NKAIN2: variants seen among roughly 807,000 people sequenced by gnomAD.
NKAIN2 encodes the protein sodium/potassium-transporting ATPase subunit beta-1-interacting protein 2.
Under a neutral mutation model 32.6 loss-of-function variants are expected in NKAIN2, and 14 were observed. That is an observed-to-expected ratio of 0.43 (90% CI 0.28 to 0.67). NKAIN2 has a LOEUF of 0.67. NKAIN2 is among the 30% of genes least tolerant of loss of function. The pLI, the probability that NKAIN2 is intolerant of heterozygous loss-of-function variation, is 0.17. For missense variants in NKAIN2, 198 were observed against 258.3 expected, an observed-to-expected ratio of 0.77 and a Z score of 1.60; for synonymous variants, 80 against 87.2, an observed-to-expected ratio of 0.92 and a Z score of 0.46.
At chr6:123,819,644 C>T (rs992076965) in intron 1 of NKAIN2, among the ~76,000 whole-genome samples, 10 of 152,166 alleles carry the variant, frequency 6.6e-5, no homozygotes, top group African/African-American at 1.7e-4. Context: ...ATTAAAGCAA[C>T]GCAACGGAAA....
At chr6:124,035,709 T>G (rs1781580290) in intron 1 of NKAIN2, among the ~76,000 whole-genome samples, 2 of 152,166 alleles carry the variant, frequency 1.3e-5, no homozygotes, top group South Asian at 4.1e-4. Flanking sequence ...CTACTTCTGC[T>G]CAAAATGTCT....
rs1254267536 is a variant in NKAIN2 at position 124,490,225 on chromosome 6, A to G, written c.273+134878A>G. On this transcript the variant is annotated intron_variant, in intron 3 of 6. Coordinates refer to ENST00000368417, the MANE Select transcript of NKAIN2 (RefSeq NM_001040214.3). ...AGCCAAGTTCCTTGAAACATTCAGG[A>G]AAGAAAAAAAAACTAAGCCAATTCC... 2.0e-5 allele frequency among the ~76,000 whole-genome samples: 3 copies of G among 151,714 alleles called. No homozygotes were observed. The East Asian group carries it at 5.8e-4, about 29-fold the overall frequency.
At chr6:124,755,028 A>G (rs1201190600) in intron 4 of NKAIN2, among the ~76,000 whole-genome samples, 2 of 152,150 alleles carry the variant, frequency 1.3e-5, no homozygotes, top group African/African-American at 4.8e-5. Context: ...CAGGATCACA[A>G]GGCGAAATCC....
chr6:124,123,683 C>T (rs1786005877), intron 1 of NKAIN2, among the ~76,000 whole-genome samples: 1 of 152,064 alleles, frequency 6.6e-6, no homozygotes, highest in African/African-American at 2.4e-5. Context: ...TTTTAATTCT[C>T]ATAATGACTT....
intron 4 of NKAIN2, among the ~76,000 whole-genome samples, chr6:124,781,936 T>G (rs1779286664): frequency 6.6e-6 from 1 of 152,152 alleles, no homozygotes; most frequent in South Asian, 2.1e-4. Context: ...CCACATTTTA[T>G]TCCCCTGGAG....
chr6:123,970,554 T>C (rs2114634983), intron 1 of NKAIN2, among the ~76,000 whole-genome samples: 1 of 152,268 alleles, frequency 6.6e-6, no homozygotes, highest in African/African-American at 2.4e-5. Context: ...ATGAGGATTT[T>C]TGTTTTTATT....
At chr6:124,219,910 G>A (rs558970961) in intron 1 of NKAIN2, among the ~76,000 whole-genome samples, 31 of 152,152 alleles carry the variant, frequency 2.0e-4, no homozygotes, top group African/African-American at 7.2e-4. Flanking sequence ...ATTTAGATAC[G>A]AAAGATAAAG....
intron 1 of NKAIN2, among the ~76,000 whole-genome samples, chr6:123,923,124 C>CA (rs369671909): frequency 4.2e-3 from 339 of 79,788 alleles, no homozygotes; most frequent in African/African-American, 9.3e-3. Context: ...AAGGGATTAC[C>CA]AAAAAAAACA....
At chr6:123,967,694 A>T (rs1294687691) in intron 1 of NKAIN2, among the ~76,000 whole-genome samples, 1 of 152,020 alleles carries the variant, frequency 6.6e-6, no homozygotes, top group African/African-American at 2.4e-5. Context: ...AAAGGGGGGG[A>T]GTGTGTGTAT....
intron 3 of NKAIN2, among the ~76,000 whole-genome samples, chr6:124,397,869 T>G (rs1583185321): frequency 6.6e-6 from 1 of 152,066 alleles, no homozygotes; most frequent in African/African-American, 2.4e-5. Flanking sequence ...TTAGATTAGC[T>G]TCATTGGAAG....
At chr6:124,348,241 C>T (rs1798534690) in intron 2 of NKAIN2, among the ~76,000 whole-genome samples, 1 of 151,546 alleles carries the variant, frequency 6.6e-6, no homozygotes. Flanking sequence ...GTCAGTCTGC[C>T]CCCACTGGGG....
chr6:124,022,294 T>C (rs1015728749), intron 1 of NKAIN2, among the ~76,000 whole-genome samples: 3 of 152,202 alleles, frequency 2.0e-5, no homozygotes, highest in South Asian at 2.1e-4. Flanking sequence ...CAGTCTATCA[T>C]TGATGGACAT....
intron 1 of NKAIN2, among the ~76,000 whole-genome samples, chr6:123,951,720 C>T (rs1777336568): frequency 6.6e-6 from 1 of 151,640 alleles, no homozygotes; most frequent in Non-Finnish European, 1.5e-5. Context: ...TTAGTCTATT[C>T]AGCCAATATG....
chr6:124,474,098 T>C (rs1777085878), intron 3 of NKAIN2, among the ~76,000 whole-genome samples: 1 of 97,478 alleles, frequency 1.0e-5, no homozygotes. Flanking sequence ...CAGATTTTCT[T>C]AGGACTGTAT....
intron 3 of NKAIN2, among the ~76,000 whole-genome samples, chr6:124,359,731 G>T (rs1012954572): frequency 1.3e-5 from 2 of 152,144 alleles, no homozygotes; most frequent in Admixed American, 1.3e-4. Context: ...GGGACAATTT[G>T]ACTTCCTCTT....
chr6:124,571,941 C>A (rs1028280030), intron 3 of NKAIN2, among the ~76,000 whole-genome samples: 1 of 152,200 alleles, frequency 6.6e-6, no homozygotes, highest in South Asian at 2.1e-4. Flanking sequence ...TCTTATTCCT[C>A]TCTTCTTCTC....
chr6:124,159,281 T>C (rs1788150619), intron 1 of NKAIN2, among the ~76,000 whole-genome samples: 2 of 152,228 alleles, frequency 1.3e-5, no homozygotes, highest in Non-Finnish European at 2.9e-5. Flanking sequence ...GATTAACATC[T>C]TTATGTTTTA....
intron 3 of NKAIN2, among the ~76,000 whole-genome samples, chr6:124,622,008 C>G (rs923432095): frequency 6.6e-6 from 1 of 151,674 alleles, no homozygotes; most frequent in Non-Finnish European, 1.5e-5. Flanking sequence ...TTTTCTGTGC[C>G]TGCTATAACA....
At chr6:124,708,647 G>T (rs1775242153) in intron 4 of NKAIN2, among the ~76,000 whole-genome samples, 1 of 150,992 alleles carries the variant, frequency 6.6e-6, no homozygotes, top group Admixed American at 6.6e-5. Context: ...TCTGTCTGTT[G>T]TTGGTGTATA....
Sources: allele counts gnomAD v4.1 joint callset (sites outside exome capture counted in the v4.1 genomes callset), GRCh38; gene constraint gnomAD v4.1.1; transcripts MANE v1.5; gene names NCBI Gene and HGNC (gene_info 2026-07-23, HGNC 2026-07-21).